The following KRAS variants were observed in gnomAD, a reference collection of about 807,000 sequenced individuals.
The protein encoded by KRAS is GTPase KRas.
Under a neutral mutation model 21.0 loss-of-function variants are expected in KRAS, and 1 was observed. The ratio of observed to expected loss-of-function variants is 0.05; its 90% CI spans 0.02 to 0.23. The LOEUF is 0.23. Ranked by LOEUF, KRAS falls within the 10% of genes least tolerant of loss-of-function variation. The pLI is 1.00. For synonymous variants in KRAS, 67 were observed against 72.5 expected, an observed-to-expected ratio of 0.92 and a Z score of 0.39; for missense variants, 107 against 221.8, an observed-to-expected ratio of 0.48 and a Z score of 3.29.
At chr12:25,250,376 G>A (rs1951749557) in intron 1 of KRAS, among the ~76,000 whole-genome samples, 1 of 152,008 alleles carries the variant, frequency 6.6e-6, no homozygotes. Context: ...CGCCGCGGGA[G>A]TAACCTCCAC....
At chr12:25,242,669 G>A (rs1951625495) in intron 2 of KRAS, among the ~76,000 whole-genome samples, 1 of 152,136 alleles carries the variant, frequency 6.6e-6, no homozygotes, top group Admixed American at 6.5e-5. Flanking sequence ...CCACTAAGTT[G>A]CCATTAGATA....
chr12:25,225,221 AACATG>A (rs1951374911), intron 4 of KRAS: 1 of 150,588 alleles, frequency 6.6e-6, no homozygotes, highest in South Asian at 2.1e-4. Context: ...TTAACCTAGA[AACATG>A]ACATAATGGT....
chr12:25,245,610 G>A (rs192236974), intron 1 of KRAS, among the ~76,000 whole-genome samples: 2 of 152,176 alleles, frequency 1.3e-5, no homozygotes, highest in Non-Finnish European at 1.5e-5. Flanking sequence ...CTCCTCCATC[G>A]ACGCTTAAGA....
At chr12:25,233,054 A>C (rs1951495121) in intron 2 of KRAS, among the ~76,000 whole-genome samples, 1 of 152,188 alleles carries the variant, frequency 6.6e-6, no homozygotes, top group Non-Finnish European at 1.5e-5. Context: ...AAGCATTTAA[A>C]ACTGACCCAT....
At chr12:25,218,386 C>T (rs550808613) in intron 4 of KRAS, among the ~76,000 whole-genome samples, 7 of 149,122 alleles carry the variant, frequency 4.7e-5, no homozygotes, top group African/African-American at 1.8e-4. Context: ...GTGACAGCAT[C>T]CCCACCACCA....
rs1041612382 is a variant in KRAS, at chr12:25,227,073, C to G, written c.290+161G>C. ...GAGCAAGTTACTCCACTGCTCTAAT[C>G]CCCCAAGAACTTCATTTATAAAACA... On this transcript the variant is annotated intron_variant, in intron 3 of 4. Coordinates refer to ENST00000311936, the MANE Select transcript of KRAS (RefSeq NM_004985.5). 2.6e-5 allele frequency among the ~76,000 whole-genome samples: 4 copies of G among 152,106 alleles called. No homozygotes were observed. The East Asian group carries it at 7.7e-4, about 29-fold the overall frequency.
chr12:25,225,049 TTCTC>T (rs1565883821), intron 4 of KRAS: 1 of 151,896 alleles, frequency 6.6e-6, no homozygotes, highest in African/African-American at 2.4e-5. Context: ...AAAATTCAGG[TTCTC>T]TCTGGCAATA....
Position 25,243,766 on chromosome 12 carries a change from T to A in KRAS, c.111+1508A>T, listed in dbSNP as rs190743215. Reference sequence around the variant, plus strand: ...GATTTAAATAGTAGAGTCTGCCAAGTAACCCTGAATTTGCAATACAGATTA... The same window carrying A: ...GATTTAAATAGTAGAGTCTGCCAAGAAACCCTGAATTTGCAATACAGATTA... On this transcript the variant is annotated intron_variant, in intron 2 of 4. Transcript: ENST00000311936. Among the ~76,000 whole-genome samples the A allele has an allele frequency of 2.3e-3, 353 of 152,340 alleles. 2 individuals are homozygous for A. The highest frequency in any genetic ancestry group is 8.1e-3 in the African/African-American group (338 of 41,598).
Position 25,235,053 on chromosome 12 carries a change from C to G in KRAS, c.112-7641G>C, listed in dbSNP as rs572893342. ...ACTGTCATAAGCATATTACAAACATCATCTCATTTAATCTCCATCTTCATT... is the reference window on the plus strand; with the variant it reads ...ACTGTCATAAGCATATTACAAACATGATCTCATTTAATCTCCATCTTCATT... On this transcript the variant is annotated intron_variant, in intron 2 of 4. Coordinates refer to ENST00000311936, the MANE Select transcript of KRAS (RefSeq NM_004985.5). 390 of 373,438 alleles carry G rather than the reference C, an allele frequency of 1.0e-3. 1 individual carries two copies. Among genetic ancestry groups the G allele is most frequent in the Non-Finnish European group, 1.6e-3 (320 of 205,658 alleles). 23.1% of individuals were successfully genotyped at this position (373,438 alleles called of 1,614,324 possible).
intron 2 of KRAS, among the ~76,000 whole-genome samples, chr12:25,244,234 T>C (rs945055969): frequency 1.3e-5 from 2 of 152,182 alleles, no homozygotes; most frequent in Admixed American, 1.3e-4. Context: ...TTAGAAATTT[T>C]TCAGAACTGA....
intron 2 of KRAS, among the ~76,000 whole-genome samples, chr12:25,241,238 G>A (rs1456491558): frequency 6.6e-6 from 1 of 152,076 alleles, no homozygotes; most frequent in Admixed American, 6.6e-5. Flanking sequence ...AAAATGATAC[G>A]AAATCAATCA....
intron 4 of KRAS, chr12:25,215,508 A>C: frequency 6.2e-7 from 1 of 1,612,104 alleles, no homozygotes; most frequent in Non-Finnish European, 8.5e-7. Flanking sequence ...GATTTTTTTC[A>C]ATCTGTATTG....
At position 25,215,165 on chromosome 12, in the gene KRAS, G is replaced by A. The variant is rs1261759932; in HGVS notation, c.451-5254C>T. 7.7e-6 allele frequency: 4 copies of A among 522,742 alleles called. No homozygotes were observed. In the East Asian group the frequency reaches 6.5e-4, roughly 85 times the overall value. 32.4% of individuals were successfully genotyped at this position (522,742 alleles called of 1,614,324 possible). On this transcript the variant is annotated intron_variant, in intron 4 of 4. Coordinates refer to ENST00000311936, the MANE Select transcript of KRAS (RefSeq NM_004985.5). ...CCCTTAAAAATAAAGGTAAATATCA[G>A]TTTCCAAATATTTAGTTTACTTAAG...
rs1951144431 is a variant in KRAS, at chr12:25,206,897, G to GT, written c.*2897dup. 5.0e-6 allele frequency: 1 copy of GT among 202,016 alleles called. No individual in the cohort carries two copies. The highest frequency in any genetic ancestry group is 2.3e-5 in the African/African-American group (1 of 43,612). The allele number at this position is 202,016 out of a possible 1,614,324, so 12.5% of individuals were successfully genotyped here. On this transcript the variant is annotated 3_prime_UTR_variant, in exon 5 of 5. Transcript: ENST00000311936. ...TCTGACATACACCTTAATGTGTACA[G>GT]TAATTGTCCTAAAAGAATCACAGTT...
At chr12:25,247,133 C>T (rs2135809052) in intron 1 of KRAS, among the ~76,000 whole-genome samples, 1 of 152,068 alleles carries the variant, frequency 6.6e-6, no homozygotes, top group Middle Eastern at 3.4e-3. Flanking sequence ...CCTCATGTAA[C>T]ACATAATTAT....
At chr12:25,235,001 T>G (rs1951526300) in intron 2 of KRAS, 3 of 330,486 alleles carry the variant, frequency 9.1e-6, no homozygotes, top group Non-Finnish European at 5.5e-6. Flanking sequence ...AGTCAACATT[T>G]ACTGAGCCCT....
At position 25,209,611 on chromosome 12, in the gene KRAS, G is replaced by C; in HGVS notation, c.*184C>G. ...CAAAAACCAAAACTCTGGGAATACT[G>C]GCACTTAGAGGAAAAAAAAACTTCC... On this transcript the variant is annotated 3_prime_UTR_variant, in exon 5 of 5. Transcript: ENST00000311936. The C allele has an allele frequency of 7.4e-7, 1 of 1,352,360 alleles. No homozygotes were observed. Among genetic ancestry groups the C allele is most frequent in the Non-Finnish European group, 9.5e-7 (1 of 1,054,378 alleles). 83.8% of individuals were successfully genotyped at this position (1,352,360 alleles called of 1,614,324 possible).
At chr12:25,229,894 G>C (rs1293447484) in intron 2 of KRAS, among the ~76,000 whole-genome samples, 1 of 151,656 alleles carries the variant, frequency 6.6e-6, no homozygotes, top group African/African-American at 2.4e-5. Flanking sequence ...TCAGCCTCTT[G>C]AGTAGCTGGG....
chr12:25,236,394 A>G (rs994916984), intron 2 of KRAS, among the ~76,000 whole-genome samples: 7 of 152,162 alleles, frequency 4.6e-5, no homozygotes, highest in Non-Finnish European at 1.0e-4. Context: ...GCAGGGATTA[A>G]GCCTCAGCGA....
Sources: gnomAD v4.1 joint callset for allele counts (sites outside exome capture counted in the v4.1 genomes callset) on GRCh38, gnomAD v4.1.1 for gene constraint, MANE v1.5 for transcripts, NCBI Gene and HGNC (gene_info 2026-07-23, HGNC 2026-07-21) for gene names.